WDPCP: variants seen among roughly 807,000 people sequenced by gnomAD.
WDPCP encodes the protein WD repeat-containing and planar cell polarity effector protein fritz homolog.
A neutral mutation model predicts 93.1 loss-of-function variants in WDPCP; 71 were observed. The ratio of observed to expected loss-of-function variants is 0.76; its 90% CI spans 0.63 to 0.93. WDPCP has a LOEUF of 0.93. WDPCP is among the 40% of genes least tolerant of loss of function. The probability of loss-of-function intolerance (pLI) is 0.00; values close to 1 mark genes in which losing one functional copy is unlikely to be tolerated. For synonymous variants in WDPCP, 315 were observed against 315.0 expected (o/e 1.00, Z 0.00); for missense variants, 844 against 887.4 (o/e 0.95, Z 0.62).
chr2:63,443,564 G>A (rs1444515632), intron 6 of WDPCP, among the ~76,000 whole-genome samples: 1 of 152,192 alleles, frequency 6.6e-6, no homozygotes, highest in Admixed American at 6.6e-5. Flanking sequence ...GATGAAGTCA[G>A]AGAGGCAGTC....
At chr2:63,208,239 C>T (rs950553361) in intron 14 of WDPCP, among the ~76,000 whole-genome samples, 4 of 152,084 alleles carry the variant, frequency 2.6e-5, no homozygotes, top group African/African-American at 4.8e-5. Context: ...TTCTGTTTTT[C>T]AAATGCTGCT....
At chr2:63,679,053 C>G (rs757225291) in intron 2 of WDPCP, among the ~76,000 whole-genome samples, 2 of 152,228 alleles carry the variant, frequency 1.3e-5, no homozygotes, top group Non-Finnish European at 2.9e-5. Flanking sequence ...TCGTAAATTT[C>G]TAATCCCGTG....
intron 1 of WDPCP, among the ~76,000 whole-genome samples, chr2:63,571,059 T>G (rs1286921506): frequency 7.5e-6 from 1 of 132,538 alleles, no homozygotes; most frequent in East Asian, 2.4e-4. Flanking sequence ...TGCGTGCCAC[T>G]AGGTCCAGCT....
chr2:63,232,188 G>T (rs890648013), intron 14 of WDPCP, among the ~76,000 whole-genome samples: 1 of 152,174 alleles, frequency 6.6e-6, no homozygotes, highest in African/African-American at 2.4e-5. Context: ...ATTCAAGATG[G>T]ATTAAAGACT....
chr2:63,504,594 T>C (rs1459941906), intron 1 of WDPCP, among the ~76,000 whole-genome samples: 1 of 152,004 alleles, frequency 6.6e-6, no homozygotes, highest in East Asian at 1.9e-4. Context: ...AAATTATCTG[T>C]GCAGTGCTCT....
chr2:63,291,049 T>G (rs1223137264), intron 13 of WDPCP, among the ~76,000 whole-genome samples: 1 of 152,216 alleles, frequency 6.6e-6, no homozygotes, highest in Non-Finnish European at 1.5e-5. Context: ...ACTCTGCTCA[T>G]TTTTTGAAAT....
intron 9 of WDPCP, among the ~76,000 whole-genome samples, chr2:63,408,748 G>A (rs1291116129): frequency 1.3e-5 from 2 of 152,088 alleles, no homozygotes; most frequent in Non-Finnish European, 2.9e-5. Flanking sequence ...GTTTGTGTGG[G>A]AGCTGGGTAA....
intron 3 of WDPCP, among the ~76,000 whole-genome samples, chr2:63,613,673 T>C (rs1255385097): frequency 6.6e-6 from 1 of 152,204 alleles, no homozygotes; most frequent in Non-Finnish European, 1.5e-5. Context: ...CCACTTCCAC[T>C]GTTGGAGTGC....
At chr2:63,720,508 A>C (rs1669400655) in intron 2 of WDPCP, among the ~76,000 whole-genome samples, 1 of 152,104 alleles carries the variant, frequency 6.6e-6, no homozygotes, top group Non-Finnish European at 1.5e-5. Flanking sequence ...CTCCTTAGCT[A>C]GTTTTGTAGC....
intron 13 of WDPCP, among the ~76,000 whole-genome samples, chr2:63,269,045 G>A (rs1045360452): frequency 6.6e-6 from 1 of 151,166 alleles, no homozygotes; most frequent in Non-Finnish European, 1.5e-5. Flanking sequence ...TTTATTTGTT[G>A]GCCCCTTTTT....
intron 6 of WDPCP, among the ~76,000 whole-genome samples, chr2:63,448,520 T>C (rs1266666564): frequency 6.6e-6 from 1 of 152,014 alleles, no homozygotes; most frequent in Non-Finnish European, 1.5e-5. Context: ...TAGAGTATTA[T>C]GGTGAGTTTA....
At chr2:63,761,213 G>T (rs1304226731) in intron 2 of WDPCP, among the ~76,000 whole-genome samples, 3 of 152,156 alleles carry the variant, frequency 2.0e-5, no homozygotes. Flanking sequence ...TCTGATAAAA[G>T]GATGAATTTG....
intron 9 of WDPCP, among the ~76,000 whole-genome samples, chr2:63,413,538 T>C (rs914343023): frequency 6.6e-5 from 10 of 152,042 alleles, no homozygotes; most frequent in Non-Finnish European, 1.5e-4. Context: ...TGGCTCACAC[T>C]TGTAATCCCA....
At chr2:63,589,549 C>A (rs564397905), upstream of WDPCP, among the ~76,000 whole-genome samples, 1 of 152,320 alleles carries the variant, frequency 6.6e-6, no homozygotes, top group South Asian at 2.1e-4. Flanking sequence ...AGACGTGTTT[C>A]CGCCATATCT....
chr2:63,643,396 TG>T (rs1710006768), intron 3 of WDPCP: 2 of 336,912 alleles, frequency 5.9e-6, no homozygotes, highest in Non-Finnish European at 1.1e-5. Flanking sequence ...GTTGGAAAGG[TG>T]GGTGACAAAT....
At chr2:63,447,903 A>T (rs1189348681) in intron 6 of WDPCP, among the ~76,000 whole-genome samples, 1 of 152,114 alleles carries the variant, frequency 6.6e-6, no homozygotes, top group East Asian at 1.9e-4. Context: ...CACAGTTACT[A>T]CTGGAGAAGG....
At chr2:63,802,137 T>C (rs6710230) in intron 2 of WDPCP, among the ~76,000 whole-genome samples, 112,507 of 151,762 alleles carry the variant, frequency 0.74, 42,097 homozygotes, top group East Asian at 0.91. Flanking sequence ...CTCAAACTTG[T>C]ATATTCTAAC....
intron 1 of WDPCP, among the ~76,000 whole-genome samples, chr2:63,507,347 G>C (rs958937474): frequency 6.6e-6 from 1 of 152,072 alleles, no homozygotes; most frequent in Non-Finnish European, 1.5e-5. Flanking sequence ...AAGGAGTTGT[G>C]CTTTCAAATT....
At chr2:63,277,667 A>G (rs991490064) in intron 13 of WDPCP, among the ~76,000 whole-genome samples, 4 of 152,228 alleles carry the variant, frequency 2.6e-5, no homozygotes, top group African/African-American at 9.6e-5. Flanking sequence ...GAGAGACATT[A>G]TATAATGATA....
Sources: gnomAD v4.1 joint callset for allele counts (sites outside exome capture counted in the v4.1 genomes callset) on GRCh38, gnomAD v4.1.1 for gene constraint, MANE v1.5 for transcripts, NCBI Gene and HGNC (gene_info 2026-07-23, HGNC 2026-07-21) for gene names.